SYNJ2: variants seen among roughly 807,000 people sequenced by gnomAD.
The protein encoded by SYNJ2 is synaptojanin 2, also known as polyphosphatidylinositol phosphatase SYNJ2.
In SYNJ2, 116 loss-of-function variants were observed where a neutral mutation model predicts 141.3. The observed-to-expected ratio is 0.82, with a 90% CI of 0.71 to 0.96. SYNJ2 has a LOEUF of 0.96. Among genes scored for constraint, SYNJ2 ranks in the 40% least tolerant of loss-of-function variants. The pLI, the probability that SYNJ2 is intolerant of heterozygous loss-of-function variation, is 0.00. For synonymous variants in SYNJ2, 745 were observed against 777.7 expected, an observed-to-expected ratio of 0.96 and a Z score of 0.70; for missense variants, 1,873 against 1,934.8, an observed-to-expected ratio of 0.97 and a Z score of 0.60.
At chr6:158,054,111 A>G (rs991854307) in intron 5 of SYNJ2, among the ~76,000 whole-genome samples, 7 of 149,838 alleles carry the variant, frequency 4.7e-5, no homozygotes, top group African/African-American at 7.4e-5. Context: ...CCATTCATCT[A>G]TCCATCCACT....
Position 158,029,021 on chromosome 6 carries a change from C to T in SYNJ2, c.480C>T (p.Phe160=), listed in dbSNP as rs1353541168. 3.7e-6 allele frequency: 5 copies of T among 1,362,090 alleles called. No individual in the cohort carries two copies. In the East Asian group the frequency reaches 9.5e-5, roughly 26 times the overall value. 84.4% of individuals were successfully genotyped at this position (1,362,090 alleles called of 1,614,324 possible). A position where few individuals can be genotyped will look rare whatever the true frequency, so the allele number is the denominator to read the frequency against. The change falls in exon 3 of 27, where the codon TTC becomes TTT. Residue 160 remains phenylalanine, a synonymous_variant. Transcript: ENST00000355585. Reference sequence around the variant, plus strand: ...ACAGCTCTGAATGGGGGAACTCCTTCTTCTGGTGAGGCCCTGGGTCCCCTG... The same window carrying T: ...ACAGCTCTGAATGGGGGAACTCCTTTTTCTGGTGAGGCCCTGGGTCCCCTG... ...GDDSSEWGNS[F]FWNQLLHVPL...
chr6:158,013,858 T>G (rs952941815), intron 1 of SYNJ2, among the ~76,000 whole-genome samples: 2 of 152,222 alleles, frequency 1.3e-5, no homozygotes, highest in African/African-American at 4.8e-5. Context: ...GTCTAGTGTT[T>G]CCAAGTGCAA....
intron 6 of SYNJ2, among the ~76,000 whole-genome samples, chr6:158,057,146 A>G (rs1378807338): frequency 6.6e-6 from 1 of 152,146 alleles, no homozygotes. Context: ...GGATGCTTCC[A>G]AATAGAAATC....
At chr6:158,013,025 C>T (rs1021175098) in intron 1 of SYNJ2, among the ~76,000 whole-genome samples, 12 of 152,104 alleles carry the variant, frequency 7.9e-5, no homozygotes, top group African/African-American at 2.7e-4. Context: ...TTGGGGGCAC[C>T]GACCTCTTGA....
At position 158,040,655 on chromosome 6, in the gene SYNJ2, G is replaced by T. The variant is rs1779896856; in HGVS notation, c.712-2661G>T. 6.6e-6 allele frequency among the ~76,000 whole-genome samples: 1 copy of T among 152,216 alleles called. No homozygotes were observed. The highest frequency in any genetic ancestry group is 2.4e-5 in the African/African-American group (1 of 41,454). ...ATGCAGACTTGGAGATAATTGGTTT[G>T]CAGACACTGTATCTGGAAGCAGAAG... On this transcript the variant is annotated intron_variant, in intron 4 of 26. Coordinates refer to ENST00000355585, the MANE Select transcript of SYNJ2 (RefSeq NM_003898.4). This position sits in a 1 kb window ranked among gnomAD's most constrained non-coding sequence, Gnocchi z 4.2.
chr6:158,000,296 C>T (rs568179029), intron 1 of SYNJ2, among the ~76,000 whole-genome samples: 3 of 152,070 alleles, frequency 2.0e-5, no homozygotes, highest in South Asian at 2.1e-4. Context: ...TGGAGAAGGC[C>T]GGAGAGTCAC....
At chr6:158,017,100 CT>C (rs1441934656) in intron 1 of SYNJ2, 103 bp from the exon 2 acceptor site, 5 of 1,472,392 alleles carry the variant, frequency 3.4e-6, no homozygotes, top group Non-Finnish European at 3.6e-6. Context: ...TTTGTGTTTT[CT>C]TTTTGGAGTG....
intron 13 of SYNJ2, 128 bp downstream of exon 13, chr6:158,068,856 G>C: frequency 1.0e-6 from 1 of 959,134 alleles, no homozygotes. Context: ...CCCTGGCTGT[G>C]TGGGGATCTC....
chr6:158,051,519 CA>C (rs1780564985), intron 5 of SYNJ2, among the ~76,000 whole-genome samples: 1 of 151,966 alleles, frequency 6.6e-6, no homozygotes, highest in South Asian at 2.1e-4. Context: ...AAAAAAACCC[CA>C]CAGGTTTGGG....
intron 23 of SYNJ2, 75 bp downstream of exon 23, chr6:158,087,064 G>T (rs1383103361): frequency 6.6e-7 from 1 of 1,521,794 alleles, no homozygotes; most frequent in African/African-American, 1.4e-5. Flanking sequence ...CTGAAAACAC[G>T]GCTCCGAATC....
Position 157,982,036 on chromosome 6 carries a change from G to A in SYNJ2, c.75G>A (p.Ala25=). The change falls in exon 1 of 27, where the codon GCG becomes GCA. Residue 25 remains alanine (A), a synonymous_variant. Coordinates refer to ENST00000355585, the MANE Select transcript of SYNJ2 (RefSeq NM_003898.4). The surrounding 1 kb of genome is among the most constrained non-coding windows in gnomAD (Gnocchi z 4.0). The part of the protein sequence containing the change: ...AEGDCSVLLE[A]RGRDDCLLFE... ...GGGACTGTAGCGTGCTGCTGGAGGC[G>A]CGCGGCCGCGACGACTGCCTGCTGT... 1.5e-5 allele frequency: 20 copies of A among 1,333,324 alleles called. No homozygotes were observed. The highest frequency in any genetic ancestry group is 2.0e-5 in the South Asian group (1 of 50,738). The allele number at this position is 1,333,324 out of a possible 1,614,324, so 82.6% of individuals were successfully genotyped here. A position where few individuals can be genotyped will look rare whatever the true frequency, so the allele number is the denominator to read the frequency against.
chr6:158,076,681 A>G lies in SYNJ2; in HGVS notation c.2348A>G (p.Asp783Gly). ...AACTTTGGACCCACCTACAAGTATG[A>G]CGTTGGCTCAGCCGCCTACGATACA... is the stretch of plus-strand genomic sequence containing the variant. Reference protein sequence around the residue: ...AINFGPTYKYDVGSAAYDTSD... With the variant: ...AINFGPTYKYGVGSAAYDTSD... Residue 783 changes from aspartate (D) to glycine (G), a missense_variant, in exon 17 of 27, where the codon GAC (aspartate) becomes GGC (glycine). Asp to Gly is a moderately conservative substitution (Grantham distance 94). Transcript: ENST00000355585. The G allele has an allele frequency of 6.2e-7, 1 of 1,614,200 alleles. No homozygotes were observed. Among genetic ancestry groups the G allele is most frequent in the Non-Finnish European group, 8.5e-7 (1 of 1,180,022 alleles).
intron 5 of SYNJ2, among the ~76,000 whole-genome samples, chr6:158,051,327 G>A (rs952715480): frequency 6.6e-6 from 1 of 152,048 alleles, no homozygotes; most frequent in African/African-American, 2.4e-5. Context: ...TTTAGCCCTG[G>A]TGACCTCTCA....
Position 158,064,741 on chromosome 6 carries a change from G to A in SYNJ2, c.1350G>A (p.Gly450=). 1.2e-6 allele frequency: 2 copies of A among 1,613,842 alleles called. No homozygotes were observed. The highest frequency in any genetic ancestry group is 1.7e-5 in the Admixed American group (1 of 60,036). ...TCACAGGCAGCAGAGCCCTGGAAGG[G>A]AAGGCCAAGGTAGGGCCCCGCCGAG... is the stretch of plus-strand genomic sequence containing the variant. ...KVFTGSRALE[G]KAKVGKLKDG... is the part of the protein sequence containing the mutation. Residue 450 remains glycine (G), a synonymous_variant, in exon 10 of 27, where the codon GGG becomes GGA. Coordinates refer to ENST00000355585, the MANE Select transcript of SYNJ2 (RefSeq NM_003898.4).
Position 158,060,507 on chromosome 6 carries a change from G to A in SYNJ2, c.954+1154G>A, listed in dbSNP as rs534766872. On this transcript the variant is annotated intron_variant, in intron 7 of 26. Transcript: ENST00000355585. ...AGAGCTCGAAGTCGCCTCACTGGGGGTTAGGGCGATCTCTGAGCCTTTCCC... is the reference window on the plus strand; with the variant it reads ...AGAGCTCGAAGTCGCCTCACTGGGGATTAGGGCGATCTCTGAGCCTTTCCC... 2.0e-5 allele frequency among the ~76,000 whole-genome samples: 3 copies of A among 152,314 alleles called. No homozygotes were observed. In the East Asian group the frequency reaches 5.8e-4, roughly 29 times the overall value.
Position 158,071,614 on chromosome 6 carries a change from C to T in SYNJ2, c.1953C>T (p.Ile651=), listed in dbSNP as rs758935525. Residue 651 remains isoleucine (I), a synonymous_variant, in exon 15 of 27, where the codon ATC becomes ATT. Transcript: ENST00000355585. This position sits in a 1 kb window ranked among gnomAD's most constrained non-coding sequence, Gnocchi z 4.3. ...YHVPFIRDVA[I]DTVKTGMGGK... is the part of the protein sequence containing the mutation. Reference sequence around the variant, plus strand: ...CCTTCTGTTCCAGGGACGTAGCCATCGACACAGTGAAGACGGGCATGGGGG... The same window carrying T: ...CCTTCTGTTCCAGGGACGTAGCCATTGACACAGTGAAGACGGGCATGGGGG... The T allele has an allele frequency of 8.7e-6, 14 of 1,613,788 alleles. No homozygotes were observed. The highest frequency in any genetic ancestry group is 2.2e-5 in the South Asian group (2 of 91,066).
chr6:157,981,534 G>A (rs926915121), upstream of SYNJ2, among the ~76,000 whole-genome samples: 2 of 152,032 alleles, frequency 1.3e-5, no homozygotes, highest in African/African-American at 4.8e-5. This position sits in a 1 kb window ranked among gnomAD's most constrained non-coding sequence, Gnocchi z 6.4. Context: ...CCAGCCTGGC[G>A]GACTCCCGGG....
rs1409453001 is a variant in SYNJ2, at chr6:158,070,815, T to A, written c.1941-787T>A. Among the ~76,000 whole-genome samples, 2 of 152,222 alleles carry A rather than the reference T, an allele frequency of 1.3e-5. No homozygotes were observed. Among genetic ancestry groups the A allele is most frequent in the Admixed American group, 6.5e-5 (1 of 15,286 alleles). On this transcript the variant is annotated intron_variant, in intron 14 of 26. Transcript: ENST00000355585. This position sits in a 1 kb window ranked among gnomAD's most constrained non-coding sequence, Gnocchi z 4.0. ...TGGGCATTTGAATGCAAGCAGGCTCTGGCATTGCATAAAAGTCCTTTTGAG... is the reference window on the plus strand; with the variant it reads ...TGGGCATTTGAATGCAAGCAGGCTCAGGCATTGCATAAAAGTCCTTTTGAG...
chr6:158,083,855 G>A lies in SYNJ2; in HGVS notation c.3035-146G>A, dbSNP rs913003731. 3.9e-6 allele frequency: 4 copies of A among 1,027,574 alleles called. No individual in the cohort carries two copies. In the African/African-American group the frequency reaches 4.8e-5, roughly 12 times the overall value. The allele number at this position is 1,027,574 out of a possible 1,614,324, so 63.7% of individuals were successfully genotyped here. A position where few individuals can be genotyped will look rare whatever the true frequency, so the allele number is the denominator to read the frequency against. ...CTGTGGGTGTACCAATGGAACTGGG[G>A]TACCGTCCCTGCTGGCGCCTGGGCC... On this transcript the variant is annotated intron_variant, in intron 21 of 26. Coordinates refer to ENST00000355585, the MANE Select transcript of SYNJ2 (RefSeq NM_003898.4).
Sources: allele counts gnomAD v4.1 joint callset (sites outside exome capture counted in the v4.1 genomes callset), GRCh38; gene constraint gnomAD v4.1.1; non-coding constraint Gnocchi (gnomAD v3.1); transcripts MANE v1.5; gene names NCBI Gene and HGNC (gene_info 2026-07-23, HGNC 2026-07-21).